Variants in CSMD1 observed in about 807,000 individuals in gnomAD.
CSMD1 encodes the protein CUB and sushi domain-containing protein 1.
A neutral mutation model predicts 417.5 loss-of-function variants in CSMD1; 213 were observed. The observed-to-expected ratio is 0.51, with a 90% CI of 0.46 to 0.57. The LOEUF (loss-of-function observed/expected upper bound fraction) is 0.57, where lower values mean the gene tolerates loss of function less well. CSMD1 is among the 20% of genes least tolerant of loss of function. CSMD1 has a pLI of 0.00. For synonymous variants in CSMD1, 2,862 were observed against 1,736.8 expected, an observed-to-expected ratio of 1.65 and a Z score of -16.11; for missense variants, 6,923 against 4,529.7, an observed-to-expected ratio of 1.53 and a Z score of -15.17.
chr8:4,847,445 T>C (rs73659212), intron 1 of CSMD1, among the ~76,000 whole-genome samples: 11,286 of 152,264 alleles, frequency 0.074, 503 homozygotes, highest in African/African-American at 0.12. Context: ...AAAAATTGTG[T>C]AGATTGTACA....
chr8:3,211,096 G>C (rs1344559906), intron 30 of CSMD1, among the ~76,000 whole-genome samples: 3 of 152,142 alleles, frequency 2.0e-5, no homozygotes, highest in African/African-American at 7.2e-5. Context: ...CCAGGCTGGA[G>C]TGCAGTGATC....
At chr8:3,775,638 C>T (rs1339042131) in intron 5 of CSMD1, among the ~76,000 whole-genome samples, 2 of 152,178 alleles carry the variant, frequency 1.3e-5, no homozygotes, top group Admixed American at 6.5e-5. Context: ...TGCTCCTGTT[C>T]AGTAAAAGTC....
chr8:3,300,820 GT>G (rs1804333917), intron 25 of CSMD1, among the ~76,000 whole-genome samples: 3 of 151,886 alleles, frequency 2.0e-5, no homozygotes, highest in African/African-American at 7.3e-5. Context: ...TTAGCTGGGT[GT>G]GGTGGCACAT....
At chr8:4,695,592 C>T (rs1467609272) in intron 1 of CSMD1, among the ~76,000 whole-genome samples, 2 of 151,988 alleles carry the variant, frequency 1.3e-5, no homozygotes, top group Non-Finnish European at 2.9e-5. Context: ...TGTCCCCTAT[C>T]CCCCCCACCA....
intron 53 of CSMD1, 54 bp downstream of exon 53, chr8:2,999,904 G>C (rs1807246757): frequency 1.3e-6 from 2 of 1,499,502 alleles, no homozygotes; most frequent in Admixed American, 1.8e-5. Flanking sequence ...AATAACAAAA[G>C]ACAATGTGGC....
chr8:4,778,010 T>C (rs960324386), intron 1 of CSMD1, among the ~76,000 whole-genome samples: 2 of 152,308 alleles, frequency 1.3e-5, no homozygotes, highest in Non-Finnish European at 1.5e-5. Flanking sequence ...AATTCTTAAA[T>C]ATATTCCCGT....
intron 46 of CSMD1, among the ~76,000 whole-genome samples, chr8:3,105,734 A>G (rs757836489): frequency 1.3e-5 from 2 of 152,248 alleles, no homozygotes; most frequent in Non-Finnish European, 2.9e-5. Context: ...AATTATATGC[A>G]TGCTGAGGTA....
chr8:3,815,153 G>A (rs966609480), intron 5 of CSMD1, among the ~76,000 whole-genome samples: 1 of 152,156 alleles, frequency 6.6e-6, no homozygotes, highest in African/African-American at 2.4e-5. Context: ...CCCAGATATA[G>A]GGTGAGAAGC....
chr8:3,010,348 T>C (rs1808288477), intron 52 of CSMD1, among the ~76,000 whole-genome samples: 1 of 152,218 alleles, frequency 6.6e-6, no homozygotes, highest in African/African-American at 2.4e-5. Context: ...GAGTTCTGAG[T>C]GCAGCACCAT....
chr8:3,829,545 A>T (rs1474863079), intron 5 of CSMD1, among the ~76,000 whole-genome samples: 1 of 152,110 alleles, frequency 6.6e-6, no homozygotes, highest in Non-Finnish European at 1.5e-5. Flanking sequence ...TGAGTTTGGG[A>T]GAGTTGCTAC....
At chr8:3,082,790 T>C (rs1366831778) in intron 49 of CSMD1, among the ~76,000 whole-genome samples, 2 of 152,178 alleles carry the variant, frequency 1.3e-5, no homozygotes, top group African/African-American at 4.8e-5. Context: ...TCCATAAACA[T>C]AGCCCTTGTA....
At chr8:4,915,472 C>G (rs904046269) in intron 1 of CSMD1, among the ~76,000 whole-genome samples, 1 of 152,318 alleles carries the variant, frequency 6.6e-6, no homozygotes, top group South Asian at 2.1e-4. Context: ...TTCCTTTCCT[C>G]AGAACCAACA....
intron 3 of CSMD1, among the ~76,000 whole-genome samples, chr8:4,343,070 C>T (rs907590881): frequency 6.6e-6 from 1 of 152,088 alleles, no homozygotes; most frequent in African/African-American, 2.4e-5. Flanking sequence ...TTGCCTTCAA[C>T]ATCACATGGT....
chr8:3,745,221 A>G (rs1252345973), intron 6 of CSMD1, among the ~76,000 whole-genome samples: 1 of 152,208 alleles, frequency 6.6e-6, no homozygotes. Flanking sequence ...AGTAAATTGT[A>G]GACTATGCCA....
chr8:3,880,784 T>C (rs760931750), intron 5 of CSMD1, among the ~76,000 whole-genome samples: 1 of 152,210 alleles, frequency 6.6e-6, no homozygotes, highest in Admixed American at 6.5e-5. Context: ...AAAAACAATG[T>C]ATTTTCTTTT....
intron 2 of CSMD1, among the ~76,000 whole-genome samples, chr8:4,635,378 A>T (rs575093055): frequency 6.6e-6 from 1 of 152,118 alleles, no homozygotes; most frequent in Non-Finnish European, 1.5e-5. Flanking sequence ...ATGTTGTTTT[A>T]TATTTATTAA....
chr8:3,925,013 G>C (rs1809551413), intron 5 of CSMD1, among the ~76,000 whole-genome samples: 1 of 152,118 alleles, frequency 6.6e-6, no homozygotes, highest in Admixed American at 6.6e-5. Flanking sequence ...GTAAGAGAAA[G>C]ACTTTAAATA....
intron 18 of CSMD1, among the ~76,000 whole-genome samples, chr8:3,372,452 A>T (rs543895720): frequency 1.6e-4 from 25 of 152,222 alleles, no homozygotes; most frequent in African/African-American, 5.8e-4. Context: ...CTGAGAGAAT[A>T]CACAGTGGTG....
At chr8:4,896,780 C>G (rs946570171) in intron 1 of CSMD1, among the ~76,000 whole-genome samples, 9 of 151,958 alleles carry the variant, frequency 5.9e-5, no homozygotes, top group African/African-American at 2.2e-4. Flanking sequence ...GAGGTAGTTT[C>G]AGGGCTCCAG....
Sources: allele counts gnomAD v4.1 joint callset (sites outside exome capture counted in the v4.1 genomes callset), GRCh38; gene constraint gnomAD v4.1.1; transcripts MANE v1.5; gene names NCBI Gene and HGNC (gene_info 2026-07-23, HGNC 2026-07-21).